The following PARD3 variants were observed in gnomAD, a reference collection of about 807,000 sequenced individuals.
PARD3 encodes the protein par-3 family cell polarity regulator, also known as partitioning defective 3 homolog.
PARD3 carries 75 observed loss-of-function variants against 155.4 expected under a neutral mutation model. The ratio of observed to expected loss-of-function variants is 0.48; its 90% CI spans 0.40 to 0.58. The LOEUF is 0.58. PARD3 is among the 20% of genes least tolerant of loss of function. The probability of loss-of-function intolerance (pLI) is 0.00; values close to 1 mark genes in which losing one functional copy is unlikely to be tolerated. For synonymous variants in PARD3, 576 were observed against 610.5 expected, an observed-to-expected ratio of 0.94 and a Z score of 0.83; for missense variants, 1,642 against 1,721.7, an observed-to-expected ratio of 0.95 and a Z score of 0.82.
At chr10:34,253,048 C>T (rs1408564292) in intron 22 of PARD3, among the ~76,000 whole-genome samples, 1 of 152,170 alleles carries the variant, frequency 6.6e-6, no homozygotes, top group Admixed American at 6.5e-5. Flanking sequence ...TATTAAAAAA[C>T]CAAGACAATT....
chr10:34,630,362 C>A (rs2092203671), intron 2 of PARD3, among the ~76,000 whole-genome samples: 1 of 152,176 alleles, frequency 6.6e-6, no homozygotes, highest in Non-Finnish European at 1.5e-5. Flanking sequence ...TCCAGGTTCC[C>A]AACCTCCAAA....
chr10:34,499,490 T>C (rs1342433657), intron 3 of PARD3, among the ~76,000 whole-genome samples: 1 of 151,908 alleles, frequency 6.6e-6, no homozygotes, highest in Non-Finnish European at 1.5e-5. Flanking sequence ...TGTATACAAA[T>C]TGAAACAGAT....
At chr10:34,501,426 C>T (rs971950482) in intron 3 of PARD3, among the ~76,000 whole-genome samples, 1 of 152,086 alleles carries the variant, frequency 6.6e-6, no homozygotes, top group Admixed American at 6.5e-5. Flanking sequence ...CAAGCAGATG[C>T]CAATGGCATG....
chr10:34,157,523 A>C (rs1949065459), intron 22 of PARD3, among the ~76,000 whole-genome samples: 1 of 152,170 alleles, frequency 6.6e-6, no homozygotes, highest in African/African-American at 2.4e-5. Flanking sequence ...ACAAGTATTT[A>C]TATTCTCTGC....
chr10:34,573,734 AAAACACACACACACAC>A (rs1344921831), intron 2 of PARD3, among the ~76,000 whole-genome samples: 11 of 10,778 alleles, frequency 1.0e-3, no homozygotes, highest in African/African-American at 3.3e-3. Context: ...CAAACAAACA[AAAACACACACACACAC>A]ACACACACAC....
intron 1 of PARD3, among the ~76,000 whole-genome samples, chr10:34,731,038 C>T (rs922117290): frequency 3.3e-5 from 5 of 152,142 alleles, no homozygotes; most frequent in African/African-American, 1.2e-4. Context: ...CTTCTACGGG[C>T]AGGGTTTCCA....
chr10:34,154,785 G>T (rs1170750073), intron 22 of PARD3, among the ~76,000 whole-genome samples: 1 of 152,128 alleles, frequency 6.6e-6, no homozygotes, highest in African/African-American at 2.4e-5. Flanking sequence ...TCCAGGTGTT[G>T]AAACTCATGG....
At chr10:34,624,905 G>A (rs1461303745) in intron 2 of PARD3, among the ~76,000 whole-genome samples, 1 of 152,180 alleles carries the variant, frequency 6.6e-6, no homozygotes, top group Non-Finnish European at 1.5e-5. Flanking sequence ...GGCTTCTCAG[G>A]GCTCAGGCCA....
At chr10:34,293,458 C>T (rs776051943) in intron 20 of PARD3, among the ~76,000 whole-genome samples, 6 of 151,890 alleles carry the variant, frequency 4.0e-5, no homozygotes, top group Admixed American at 6.6e-5. Context: ...ACTAAATTGA[C>T]GTTATTATAA....
At chr10:34,679,237 C>T (rs2093766438) in intron 2 of PARD3, among the ~76,000 whole-genome samples, 1 of 152,190 alleles carries the variant, frequency 6.6e-6, no homozygotes. Flanking sequence ...CAGACGGCAT[C>T]CGGCAGTGTG....
At chr10:34,724,803 T>C (rs780759729) in intron 1 of PARD3, among the ~76,000 whole-genome samples, 15 of 152,224 alleles carry the variant, frequency 9.9e-5, no homozygotes, top group Non-Finnish European at 1.2e-4. Flanking sequence ...AGGAGAGCCC[T>C]GAACATCAGT....
intron 2 of PARD3, among the ~76,000 whole-genome samples, chr10:34,669,438 G>A (rs911040675): frequency 2.6e-5 from 4 of 152,058 alleles, no homozygotes; most frequent in Admixed American, 1.3e-4. Flanking sequence ...AATGATAGAC[G>A]GTGGAGACTC....
intron 21 of PARD3, among the ~76,000 whole-genome samples, chr10:34,282,888 A>T (rs920991404): frequency 2.6e-5 from 4 of 152,168 alleles, no homozygotes; most frequent in Admixed American, 1.3e-4. Context: ...CCCAAAATTG[A>T]TGAGGATTAG....
chr10:34,450,385 C>T lies in PARD3; in HGVS notation c.646G>A (p.Asp216Asn), dbSNP rs763810418. Residue 216 changes from aspartate (D) to asparagine (N), a missense_variant, in exon 5 of 25, where the codon GAC (aspartate) becomes AAC (asparagine). Asp to Asn is a conservative substitution (Grantham distance 23). This residue lies in a region of PARD3 where 1,529 missense variants were observed against 1,587.3 expected (regional missense o/e 0.96). Coordinates refer to ENST00000374788, the MANE Select transcript of PARD3 (RefSeq NM_001184785.2). ...GCACTCAGAGACGAGCGAGCATTGTCTCTCTGAAATTGGTTAGACCAGTTA... is the reference window on the plus strand; with the variant it reads ...GCACTCAGAGACGAGCGAGCATTGTTTCTCTGAAATTGGTTAGACCAGTTA... ...TSNWSNQFQRDNARSSLSASH... is the reference protein window; with the variant it reads ...TSNWSNQFQRNNARSSLSASH... 8.1e-6 allele frequency: 13 copies of T among 1,613,752 alleles called. No individual in the cohort carries two copies. Among genetic ancestry groups the T allele is most frequent in the African/African-American group, 4.0e-5 (3 of 74,888 alleles).
intron 22 of PARD3, among the ~76,000 whole-genome samples, chr10:34,216,501 T>C (rs1003918888): frequency 2.0e-5 from 3 of 152,196 alleles, no homozygotes; most frequent in Non-Finnish European, 4.4e-5. Context: ...CACTGTGTTA[T>C]TGTATACAGC....
At chr10:34,131,118 T>C (rs375286817) in intron 23 of PARD3, among the ~76,000 whole-genome samples, 2 of 152,270 alleles carry the variant, frequency 1.3e-5, no homozygotes, top group South Asian at 4.1e-4. Context: ...AATGGAGAAG[T>C]GCTGAACAAA....
intron 22 of PARD3, among the ~76,000 whole-genome samples, chr10:34,176,599 C>G (rs778400926): frequency 6.6e-6 from 1 of 152,154 alleles, no homozygotes; most frequent in South Asian, 2.1e-4. Flanking sequence ...CCACCTGTAC[C>G]GTTCCCTATA....
rs957192858 is a variant in PARD3 at position 34,591,300 on chromosome 10, T to C, written c.223-74141A>G. Among the ~76,000 whole-genome samples, 6 of 152,150 alleles carry C rather than the reference T, an allele frequency of 3.9e-5. No individual in the cohort carries two copies. The East Asian group carries it at 1.2e-3, about 29-fold the overall frequency. On this transcript the variant is annotated intron_variant, in intron 2 of 24. Transcript: ENST00000374788. The stretch of plus-strand genomic sequence containing the variant: ...CCATTACCCAGCTCTCAGTAAGTGT[T>C]TATAATTAGTAAATATGGTCTTTCT...
intron 5 of PARD3, among the ~76,000 whole-genome samples, chr10:34,441,091 T>C (rs141560797): frequency 8.6e-4 from 131 of 152,152 alleles, no homozygotes; most frequent in African/African-American, 3.0e-3. Flanking sequence ...AAAAATCAAA[T>C]TGCGAAATGA....
Sources: gnomAD v4.1 joint callset for allele counts (sites outside exome capture counted in the v4.1 genomes callset) on GRCh38, gnomAD v4.1.1 for gene constraint, gnomAD v4.1.1 regional missense constraint, MANE v1.5 for transcripts, NCBI Gene and HGNC (gene_info 2026-07-23, HGNC 2026-07-21) for gene names.